The following DNAAF8 variants were observed in gnomAD, a reference collection of about 807,000 sequenced individuals.
DNAAF8 encodes the protein dynein axonemal assembly factor 8.
Under a neutral mutation model 54.6 loss-of-function variants are expected in DNAAF8, and 61 were observed. The ratio of observed to expected loss-of-function variants is 1.12; its 90% CI spans 0.91 to 1.38. DNAAF8 has a LOEUF of 1.38. Among genes scored for constraint, DNAAF8 ranks in the 40% most tolerant of loss-of-function variants. The pLI is 0.00. For synonymous variants in DNAAF8, 320 were observed against 270.1 expected, an observed-to-expected ratio of 1.18 and a Z score of -1.81; for missense variants, 837 against 665.0, an observed-to-expected ratio of 1.26 and a Z score of -2.85.
chr16:4,740,798 C>G (rs1466769916), intron 4 of DNAAF8, 139 bp downstream of exon 4: 1 of 1,148,206 alleles, frequency 8.7e-7, no homozygotes, highest in Non-Finnish European at 1.2e-6. Flanking sequence ...TTCTGTGTAC[C>G]TGTCTCAGTA....
chr16:4,738,893 A>AT (rs2081926250), intron 3 of DNAAF8, among the ~76,000 whole-genome samples: 1 of 152,082 alleles, frequency 6.6e-6, no homozygotes, highest in East Asian at 1.9e-4. Context: ...CTAAAAAAAA[A>AT]ATAATAATAA....
At chr16:4,739,030 C>T (rs1455425074) in intron 3 of DNAAF8, among the ~76,000 whole-genome samples, 5 of 152,012 alleles carry the variant, frequency 3.3e-5, no homozygotes, top group South Asian at 2.1e-4. Flanking sequence ...GCATGGGCAC[C>T]GAACCAGATC....
chr16:4,743,029 T>C lies in DNAAF8; in HGVS notation c.784-14T>C. 1 of 1,580,940 alleles carries C rather than the reference T, an allele frequency of 6.3e-7. No homozygotes were observed. Among genetic ancestry groups the C allele is most frequent in the East Asian group, 2.2e-5 (1 of 44,544 alleles). ...CCTCAGCATCCTCATAATCACTGGT[T>C]TTAATGATTTCAGCAACTTGAAGCG... On this transcript the variant is annotated splice_polypyrimidine_tract_variant and intron_variant, in intron 4 of 9. Transcript: ENST00000299320.
chr16:4,739,568 G>A (rs859307), intron 3 of DNAAF8, among the ~76,000 whole-genome samples: 79,809 of 140,462 alleles, frequency 0.57, 22,956 homozygotes, highest in East Asian at 0.67. Context: ...TTTTTTTTTG[G>A]GACAGGATCT....
At chr16:4,739,566 T>G (rs904058996) in intron 3 of DNAAF8, among the ~76,000 whole-genome samples, 7 of 150,334 alleles carry the variant, frequency 4.7e-5, no homozygotes, top group African/African-American at 1.2e-4. Context: ...TTTTTTTTTT[T>G]GGGACAGGAT....
chr16:4,743,657 T>C (rs2305657), intron 5 of DNAAF8: 93,392 of 152,278 alleles, frequency 0.61, 28,962 homozygotes, highest in East Asian at 0.68. Flanking sequence ...CCCCTCCCTA[T>C]CCACTCGGGC....
At chr16:4,741,188 C>G (rs1286660243) in intron 4 of DNAAF8, among the ~76,000 whole-genome samples, 4 of 146,050 alleles carry the variant, frequency 2.7e-5, no homozygotes, top group African/African-American at 1.0e-4. Flanking sequence ...GAGCCGATAT[C>G]GCACCACTAC....
At chr16:4,738,737 G>T (rs376490296) in intron 3 of DNAAF8, among the ~76,000 whole-genome samples, 1 of 152,124 alleles carries the variant, frequency 6.6e-6, no homozygotes, top group South Asian at 2.1e-4. Context: ...AAAAAAATTA[G>T]CTGGGCATGG....
At chr16:4,745,292 GGAGGCCATGAGGCCTCCCT>G (rs1317098623) in intron 6 of DNAAF8, among the ~76,000 whole-genome samples, 1 of 152,160 alleles carries the variant, frequency 6.6e-6, no homozygotes, top group Non-Finnish European at 1.5e-5. Context: ...CCTTTCAATG[GGAGGCCATGAGGCCTCCCT>G]GAGAGTAGGA....
chr16:4,736,737 T>C (rs1355746878), intron 2 of DNAAF8, 94 bp downstream of exon 2: 2 of 1,269,176 alleles, frequency 1.6e-6, no homozygotes, highest in East Asian at 2.7e-5. Flanking sequence ...CTCTGAAGAC[T>C]TTTCCTGCTG....
In DNAAF8 at chr16:4,737,947, G is replaced by C. The variant is rs1427970116; in HGVS notation, c.276+1G>C. 3 of 1,614,112 alleles carry C rather than the reference G, an allele frequency of 1.9e-6. 1 individual carries two copies. Among genetic ancestry groups the C allele is most frequent in the East Asian group, 4.5e-5 (2 of 44,874 alleles). ...TGCAGCTGAAGAGTCCCTTCCCGAGGTCTGTGGGACACAGAAGAGTATACG... is the reference window on the plus strand; with the variant it reads ...TGCAGCTGAAGAGTCCCTTCCCGAGCTCTGTGGGACACAGAAGAGTATACG... On this transcript the variant is annotated splice_donor_variant, in intron 3 of 9. Coordinates refer to ENST00000299320, the MANE Select transcript of DNAAF8 (RefSeq NM_139170.3). LOFTEE classifies it high-confidence loss of function.
chr16:4,747,099 A>C, intron 8 of DNAAF8, 74 bp downstream of exon 8: 1 of 1,396,988 alleles, frequency 7.2e-7, no homozygotes, highest in Non-Finnish European at 9.6e-7. Flanking sequence ...TCCACCTGGC[A>C]CATTTACCGC....
chr16:4,737,799 G>C lies in DNAAF8; in HGVS notation c.130-1G>C. The C allele has an allele frequency of 3.1e-6, 5 of 1,614,156 alleles. No individual in the cohort carries two copies. Among genetic ancestry groups the C allele is most frequent in the Non-Finnish European group, 4.2e-6 (5 of 1,180,000 alleles). ...CCAAAAGCCCTCTCATTTGTCCACAGTCGGACTATGGGGAAGAGGAGCTGT... is the reference window on the plus strand; with the variant it reads ...CCAAAAGCCCTCTCATTTGTCCACACTCGGACTATGGGGAAGAGGAGCTGT... On this transcript the variant is annotated splice_acceptor_variant, in intron 2 of 9. Coordinates refer to ENST00000299320, the MANE Select transcript of DNAAF8 (RefSeq NM_139170.3). LOFTEE classifies it high-confidence loss of function.
At chr16:4,736,724 C>T (rs2081905798) in intron 2 of DNAAF8, 81 bp downstream of exon 2, 2 of 1,310,256 alleles carry the variant, frequency 1.5e-6, no homozygotes, top group East Asian at 2.7e-5. Context: ...CTTTGGAGCA[C>T]TTCTCTGAAG....
intron 5 of DNAAF8, among the ~76,000 whole-genome samples, chr16:4,744,131 C>A (rs577289923): frequency 1.3e-5 from 2 of 152,094 alleles, no homozygotes; most frequent in South Asian, 4.2e-4. Flanking sequence ...CGGGATTTCA[C>A]CATGTTAGCC....
In DNAAF8 at chr16:4,746,396, C is replaced by T; in HGVS notation, c.1065C>T (p.Gly355=). ...SGSRCASRKQ[G]SQAGPGPQLA... ...TCAGATGTGCCTCAAGGAAGCAGGG[C>T]TCCCAGGCTGGGCCAGGCCCGCAGC... The change falls in exon 7 of 10, where the codon GGC becomes GGT. Residue 355 remains glycine (G), a synonymous_variant. Transcript: ENST00000299320. The T allele has an allele frequency of 6.2e-7, 1 of 1,612,704 alleles. No homozygotes were observed. Among genetic ancestry groups the T allele is most frequent in the Admixed American group, 1.7e-5 (1 of 59,676 alleles).
At position 4,744,951 on chromosome 16, in the gene DNAAF8, G is replaced by C. The variant is rs2081995450; in HGVS notation, c.983G>C (p.Cys328Ser). The change falls in exon 6 of 10, where the codon TGT becomes TCT. Residue 328 changes from cysteine (C) to serine (S), a missense_variant. Coordinates refer to ENST00000299320, the MANE Select transcript of DNAAF8 (RefSeq NM_139170.3). Reference protein sequence around the residue: ...LCTTQSKASACARKVPADTPQ... With the variant: ...LCTTQSKASASARKVPADTPQ... ...ACCACGCAGTCCAAGGCCTCTGCTT[G>C]TGCCCGGAAGGTGCCTGCCGACACT... 3.7e-6 allele frequency: 6 copies of C among 1,613,968 alleles called. No homozygotes were observed. The highest frequency in any genetic ancestry group is 4.2e-6 in the Non-Finnish European group (5 of 1,180,006).
chr16:4,746,692 G>T, intron 7 of DNAAF8, 180 bp downstream of exon 7: 1 of 912,394 alleles, frequency 1.1e-6, no homozygotes. Context: ...AGGGAAGAGG[G>T]GCATGAGGCA....
chr16:4,740,978 A>C (rs895890481), intron 4 of DNAAF8, among the ~76,000 whole-genome samples: 1 of 151,686 alleles, frequency 6.6e-6, no homozygotes, highest in Admixed American at 6.6e-5. Context: ...GTTCAAGACC[A>C]TCCTGGTCAA....
Sources: gnomAD v4.1 joint callset for allele counts (sites outside exome capture counted in the v4.1 genomes callset) on GRCh38, gnomAD v4.1.1 for gene constraint, MANE v1.5 for transcripts, NCBI Gene and HGNC (gene_info 2026-07-23, HGNC 2026-07-21) for gene names.